CDH13: variants seen among roughly 807,000 people sequenced by gnomAD.
CDH13 encodes the protein cadherin-13.
CDH13 carries 24 observed loss-of-function variants against 63.8 expected under a neutral mutation model. The ratio of observed to expected loss-of-function variants is 0.38; its 90% confidence interval spans 0.27 to 0.53. CDH13 has a LOEUF of 0.53. CDH13 is among the 20% of genes least tolerant of loss of function. The pLI is 0.85. For missense variants in CDH13, 1,049 were observed against 903.1 expected (o/e 1.16, Z -2.07); for synonymous variants, 503 against 355.3 (o/e 1.42, Z -4.67).
chr16:82,961,652 C>G (rs548631941), intron 2 of CDH13, among the ~76,000 whole-genome samples: 33 of 150,268 alleles, frequency 2.2e-4, no homozygotes, highest in Admixed American at 6.0e-4. Flanking sequence ...CTAGGGTGGA[C>G]TTTGCTCTCA....
chr16:83,790,143 A>T lies in CDH13; in HGVS notation c.2135-4880A>T, dbSNP rs199650871. 8.5e-5 allele frequency: 13 copies of T among 152,288 alleles called. No individual in the cohort carries two copies. The East Asian group carries it at 2.5e-3, about 29-fold the overall frequency. The allele number at this position is 152,288 out of a possible 1,614,324, so 9.4% of individuals were successfully genotyped here. ...TCCCATTTTCTAGATGAGAAAACTG[A>T]TCCTCAGAAAGGTCTCCAGGTGAGT... On this transcript the variant is annotated intron_variant, in intron 13 of 13. Transcript: ENST00000567109.
intron 7 of CDH13, among the ~76,000 whole-genome samples, chr16:83,506,629 G>A (rs150205143): frequency 5.3e-5 from 8 of 152,306 alleles, no homozygotes; most frequent in Non-Finnish European, 1.2e-4. Flanking sequence ...ATGCTCCTGC[G>A]TGGTCCCCTC....
chr16:82,842,507 T>C (rs1235474693), intron 1 of CDH13, among the ~76,000 whole-genome samples: 2 of 152,046 alleles, frequency 1.3e-5, no homozygotes, highest in African/African-American at 4.8e-5. Flanking sequence ...AACAGTGCTT[T>C]CTCCAGTGAC....
chr16:83,179,614 G>A (rs961238607), intron 4 of CDH13, among the ~76,000 whole-genome samples: 7 of 151,562 alleles, frequency 4.6e-5, no homozygotes, highest in South Asian at 2.1e-4. Flanking sequence ...ATCACGCCAC[G>A]GCACTCCAGC....
intron 5 of CDH13, among the ~76,000 whole-genome samples, chr16:83,254,147 G>C (rs528640399): frequency 6.6e-6 from 1 of 152,290 alleles, no homozygotes; most frequent in African/African-American, 2.4e-5. Context: ...CTGGAGTTAG[G>C]GGCTTAAATC....
intron 7 of CDH13, among the ~76,000 whole-genome samples, chr16:83,589,329 TTCTC>T (rs959212441): frequency 2.5e-5 from 3 of 120,078 alleles, no homozygotes; most frequent in Non-Finnish European, 5.1e-5. Context: ...CCCTCCCTCT[TTCTC>T]TCTGTCTCCC....
chr16:83,293,902 C>T (rs1366161175), intron 5 of CDH13, among the ~76,000 whole-genome samples: 1 of 152,040 alleles, frequency 6.6e-6, no homozygotes, highest in Non-Finnish European at 1.5e-5. Context: ...TATACTATGC[C>T]CTTAGCATGT....
intron 2 of CDH13, among the ~76,000 whole-genome samples, chr16:82,903,305 C>G (rs1310637256): frequency 1.4e-4 from 22 of 152,222 alleles, no homozygotes; most frequent in Admixed American, 1.4e-3. Flanking sequence ...ATGGGTTTCT[C>G]AGAGCTGGGA....
intron 6 of CDH13, among the ~76,000 whole-genome samples, chr16:83,351,767 TTA>T (rs1172493887): frequency 6.6e-6 from 1 of 152,196 alleles, no homozygotes; most frequent in Non-Finnish European, 1.5e-5. Flanking sequence ...ATATGCCCTG[TTA>T]TGTTTTGATC....
chr16:83,013,896 G>T (rs979327494), intron 2 of CDH13, among the ~76,000 whole-genome samples: 1 of 152,146 alleles, frequency 6.6e-6, no homozygotes, highest in Non-Finnish European at 1.5e-5. Flanking sequence ...TGAGTTTCCT[G>T]TTGGAAATTG....
At chr16:83,189,549 T>C (rs969031385) in intron 4 of CDH13, among the ~76,000 whole-genome samples, 2 of 152,196 alleles carry the variant, frequency 1.3e-5, no homozygotes, top group East Asian at 1.9e-4. Flanking sequence ...AGGGTATTCA[T>C]TGACTCCCAT....
At chr16:82,886,561 A>ATTTTTT (rs10658401) in intron 2 of CDH13, among the ~76,000 whole-genome samples, 1 of 149,316 alleles carries the variant, frequency 6.7e-6, no homozygotes, top group African/African-American at 2.5e-5. Context: ...TATTTGTGCA[A>ATTTTTT]TTTTTTTTTT....
chr16:83,058,231 A>T (rs1176267391), intron 3 of CDH13, among the ~76,000 whole-genome samples: 1 of 152,100 alleles, frequency 6.6e-6, no homozygotes, highest in Admixed American at 6.5e-5. Flanking sequence ...AACTCTCAGA[A>T]GCTTTTTCTA....
At chr16:82,638,259 G>C (rs1908930810) in intron 1 of CDH13, among the ~76,000 whole-genome samples, 1 of 146,384 alleles carries the variant, frequency 6.8e-6, no homozygotes, top group African/African-American at 2.7e-5. Flanking sequence ...CCTGGGGCTG[G>C]CCTGGACCCA....
At chr16:83,768,016 T>A (rs1914516122) in intron 11 of CDH13, among the ~76,000 whole-genome samples, 1 of 152,194 alleles carries the variant, frequency 6.6e-6, no homozygotes, top group Non-Finnish European at 1.5e-5. Context: ...AAAAAATATT[T>A]TTAATCCCTG....
chr16:83,415,190 T>A (rs1400350302), intron 6 of CDH13, among the ~76,000 whole-genome samples: 3 of 147,594 alleles, frequency 2.0e-5, no homozygotes, highest in African/African-American at 5.0e-5. Flanking sequence ...GAAAAATGAG[T>A]AAATTCCTAA....
At chr16:82,837,286 C>T (rs375444378) in intron 1 of CDH13, among the ~76,000 whole-genome samples, 4 of 152,090 alleles carry the variant, frequency 2.6e-5, no homozygotes, top group Admixed American at 6.6e-5. Flanking sequence ...GAGAGCTTGC[C>T]TACCTCAGAG....
intron 2 of CDH13, among the ~76,000 whole-genome samples, chr16:82,897,472 C>T (rs1017047743): frequency 1.3e-5 from 2 of 152,246 alleles, no homozygotes; most frequent in East Asian, 3.8e-4. Flanking sequence ...TTTTGGCTCT[C>T]TCAGCTACTT....
At chr16:83,380,028 A>G (rs540484555) in intron 6 of CDH13, among the ~76,000 whole-genome samples, 3 of 151,314 alleles carry the variant, frequency 2.0e-5, no homozygotes, top group South Asian at 2.1e-4. Flanking sequence ...TTTTTAAACA[A>G]TTAATAAACA....
Sources: gnomAD v4.1 joint callset for allele counts (sites outside exome capture counted in the v4.1 genomes callset) on GRCh38, gnomAD v4.1.1 for gene constraint, MANE v1.5 for transcripts, NCBI Gene and HGNC (gene_info 2026-07-23, HGNC 2026-07-21) for gene names.